Variants in AP2A2 observed in about 807,000 individuals in gnomAD.
The protein encoded by AP2A2 is adaptor related protein complex 2 subunit alpha 2.
In AP2A2, 32 loss-of-function variants were observed where a neutral mutation model predicts 104.2. The observed-to-expected ratio is 0.31, with a 90% confidence interval of 0.23 to 0.41. The LOEUF is 0.41. Ranked by LOEUF, AP2A2 falls within the 10% of genes least tolerant of loss-of-function variation. AP2A2 has a pLI of 1.00. For missense variants in AP2A2, 912 were observed against 1,261.0 expected (o/e 0.72, Z 4.19); for synonymous variants, 539 against 533.3 (o/e 1.01, Z -0.15).
At chr11:952,867 G>A (rs528238813) in intron 1 of AP2A2, among the ~76,000 whole-genome samples, 12 of 152,296 alleles carry the variant, frequency 7.9e-5, no homozygotes, top group African/African-American at 2.9e-4. Context: ...GCACGGTGGG[G>A]TGGTTGAAGT....
Position 968,215 on chromosome 11 carries a change from CAG to C in AP2A2, c.137-1953_137-1952del, listed in dbSNP as rs1854688468. Among the ~76,000 whole-genome samples the C allele has an allele frequency of 6.6e-6, 1 of 152,226 alleles. No homozygotes were observed. Among genetic ancestry groups the C allele is most frequent in the Admixed American group, 6.5e-5 (1 of 15,286 alleles). On this transcript the variant is annotated intron_variant, in intron 2 of 21. Transcript: ENST00000448903. The surrounding 1 kb of genome is among the most constrained non-coding windows in gnomAD (Gnocchi z 4.2). ...GCTGCCCCTCACGGTGCTTATGCAACAGGGGTGGTGTGCCCAGGGGAGTGCTC... is the reference window on the plus strand; with the variant it reads ...GCTGCCCCTCACGGTGCTTATGCAACGGGTGGTGTGCCCAGGGGAGTGCTC...
At chr11:942,173 C>G (rs1046560610) in intron 1 of AP2A2, 1 of 152,180 alleles carries the variant, frequency 6.6e-6, no homozygotes, top group East Asian at 1.9e-4. Context: ...GTGATCTGCC[C>G]GCCTCGGCTT....
At chr11:963,946 C>T (rs866473955) in intron 2 of AP2A2, among the ~76,000 whole-genome samples, 29 of 152,158 alleles carry the variant, frequency 1.9e-4, no homozygotes, top group African/African-American at 6.8e-4. Context: ...TGGGTCCACT[C>T]GTGGGTGGAG....
At chr11:1,002,314 C>G (rs1423206382) in intron 15 of AP2A2, among the ~76,000 whole-genome samples, 1 of 152,236 alleles carries the variant, frequency 6.6e-6, no homozygotes, top group Admixed American at 6.5e-5. Context: ...CCGCCTCGGC[C>G]GGCTCCTCCT....
In AP2A2 at chr11:972,645, C is replaced by T. The variant is rs573500660; in HGVS notation, c.473+390C>T. On this transcript the variant is annotated intron_variant, in intron 4 of 21. Transcript: ENST00000448903. ...CCAGGAAGTCAAGGCTGCAGTGAGCCGTGTTCATGCCTTGGAGACTCCAGC... is the reference window on the plus strand; with the variant it reads ...CCAGGAAGTCAAGGCTGCAGTGAGCTGTGTTCATGCCTTGGAGACTCCAGC... 3.3e-5 allele frequency among the ~76,000 whole-genome samples: 5 copies of T among 152,332 alleles called. No individual in the cohort carries two copies. In the East Asian group the frequency reaches 7.7e-4, roughly 24 times the overall value.
intron 18 of AP2A2, chr11:1,008,871 G>GA (rs1856301602): frequency 1.8e-6 from 1 of 568,946 alleles, no homozygotes; most frequent in African/African-American, 1.9e-5. Flanking sequence ...GAGAAGTGAG[G>GA]CACAGGGACG....
intron 17 of AP2A2, 183 bp from the exon 18 acceptor site, chr11:1,007,829 T>C (rs1856260621): frequency 4.0e-6 from 3 of 743,594 alleles, no homozygotes; most frequent in Non-Finnish European, 6.6e-6. Flanking sequence ...AAGCAGACAG[T>C]GTTTTGAGGA....
chr11:985,278 C>A, intron 7 of AP2A2, 157 bp from the exon 8 acceptor site: 1 of 1,002,330 alleles, frequency 1.0e-6, no homozygotes, highest in Non-Finnish European at 1.4e-6. Flanking sequence ...CCACCGTGCC[C>A]GGCCTGTCTC....
chr11:989,092 C>T (rs1006830247), intron 10 of AP2A2, among the ~76,000 whole-genome samples: 5 of 152,166 alleles, frequency 3.3e-5, no homozygotes, highest in East Asian at 3.9e-4. Context: ...GAGGCCAAGG[C>T]GGGCGGATCA....
In AP2A2 at chr11:988,552, A is replaced by T; in HGVS notation, c.1132A>T (p.Thr378Ser). The T allele has an allele frequency of 6.2e-7, 1 of 1,610,558 alleles. No homozygotes were observed. Among genetic ancestry groups the T allele is most frequent in the Non-Finnish European group, 8.5e-7 (1 of 1,179,758 alleles). ...HIETVINALKTERDVSVRQRA... is the reference protein window; with the variant it reads ...HIETVINALKSERDVSVRQRA... ...TCTTACTCTGTGCCTTGTTCCCCAG[A>T]CTGAGCGGGACGTGAGCGTGCGGCA... The change falls in exon 10 of 22, where the codon ACT becomes TCT. Residue 378 changes from threonine (T) to serine (S), a missense_variant and splice_region_variant. By Grantham distance (58) the Thr-to-Ser change is moderately conservative. Coordinates refer to ENST00000448903, the MANE Select transcript of AP2A2 (RefSeq NM_012305.4).
chr11:981,255 G>C lies in AP2A2; in HGVS notation c.661G>C (p.Glu221Gln), dbSNP rs1352555493. 6.2e-7 allele frequency: 1 copy of C among 1,613,714 alleles called. No homozygotes were observed. Among genetic ancestry groups the C allele is most frequent in the African/African-American group, 1.3e-5 (1 of 75,060 alleles). The part of the protein sequence containing the change: ...ITTLAQKNPE[E>Q]FKTSVSLAVS... Reference sequence around the variant, plus strand: ...CACTTTAGCACAGAAGAACCCAGAAGAGTTTAAAACCTCCGTGTCTCTGGC... The same window carrying C: ...CACTTTAGCACAGAAGAACCCAGAACAGTTTAAAACCTCCGTGTCTCTGGC... The change falls in exon 6 of 22, where the codon GAG (glutamate) becomes CAG (glutamine). Residue 221 changes from glutamate (E) to glutamine (Q), a missense_variant. Glu to Gln is a conservative substitution (Grantham distance 29). Around this residue, in one of 7 missense-constraint regions of AP2A2, gnomAD observed 350 missense variants for 487.0 expected, o/e 0.72. Transcript: ENST00000448903.
chr11:953,545 G>GC (rs58494894), intron 1 of AP2A2, among the ~76,000 whole-genome samples: 3,004 of 105,786 alleles, frequency 0.028, 73 homozygotes, highest in East Asian at 0.069. Context: ...TACCGTAAGA[G>GC]CCCCCCCCCC....
chr11:992,438 G>A lies in AP2A2; in HGVS notation c.1270-65G>A, dbSNP rs774098805. The A allele has an allele frequency of 6.6e-6, 10 of 1,506,988 alleles. No homozygotes were observed. Among genetic ancestry groups the A allele is most frequent in the Middle Eastern group, 3.7e-4 (2 of 5,440 alleles). The allele number at this position is 1,506,988 out of a possible 1,614,324, so 93.4% of individuals were successfully genotyped here. A position where few individuals can be genotyped will look rare whatever the true frequency, so the allele number is the denominator to read the frequency against. ...TGAAACTCTCACTTTGACTTTGGAC[G>A]ACAGTTTGGTCTTGGGATTGCCATG... On this transcript the variant is annotated intron_variant, in intron 10 of 21. Coordinates refer to ENST00000448903, the MANE Select transcript of AP2A2 (RefSeq NM_012305.4). The surrounding 1 kb of genome is among the most constrained non-coding windows in gnomAD (Gnocchi z 6.4).
intron 1 of AP2A2, among the ~76,000 whole-genome samples, chr11:943,736 C>G (rs1462092922): frequency 7.1e-6 from 1 of 140,876 alleles, no homozygotes; most frequent in Non-Finnish European, 1.5e-5. Context: ...ATAGGAGAGT[C>G]CCGACCGGAG....
Position 992,470 on chromosome 11 carries a change from A to T in AP2A2, c.1270-33A>T. On this transcript the variant is annotated intron_variant, in intron 10 of 21. Transcript: ENST00000448903. This position sits in a 1 kb window ranked among gnomAD's most constrained non-coding sequence, Gnocchi z 6.4. ...TGGTCTTGGGATTGCCATGGCCTGC[A>T]GGTGCCGGCCCTCAGCAGCCTGTCC... The T allele has an allele frequency of 6.4e-7, 1 of 1,558,458 alleles. No homozygotes were observed. The highest frequency in any genetic ancestry group is 1.7e-4 in the Middle Eastern group (1 of 5,938).
chr11:954,580 TTG>T (rs1204009147), intron 1 of AP2A2, among the ~76,000 whole-genome samples: 1 of 152,200 alleles, frequency 6.6e-6, no homozygotes, highest in African/African-American at 2.4e-5. Context: ...ATATGTATAT[TTG>T]TGTGTGGCGT....
intron 14 of AP2A2, among the ~76,000 whole-genome samples, chr11:999,405 G>C (rs1291769612): frequency 6.6e-6 from 1 of 152,164 alleles, no homozygotes; most frequent in Non-Finnish European, 1.5e-5. Context: ...CCAGCTACTT[G>C]GGAGGCTGAG....
chr11:935,689 C>G (rs1853435776), intron 1 of AP2A2, among the ~76,000 whole-genome samples: 1 of 137,854 alleles, frequency 7.3e-6, no homozygotes, highest in Non-Finnish European at 1.5e-5. Flanking sequence ...CTTACTGCAA[C>G]CTTCGCCTCC....
rs766320313 is a variant in AP2A2 at position 1,011,495 on chromosome 11, G to A, written c.*870G>A. The A allele has an allele frequency of 8.1e-6, 4 of 493,740 alleles. No individual in the cohort carries two copies. The highest frequency in any genetic ancestry group is 3.9e-5 in the African/African-American group (2 of 51,552). 30.6% of individuals were successfully genotyped at this position (493,740 alleles called of 1,614,324 possible). A position where few individuals can be genotyped will look rare whatever the true frequency, so the allele number is the denominator to read the frequency against. On this transcript the variant is annotated 3_prime_UTR_variant, in exon 22 of 22. Coordinates refer to ENST00000448903, the MANE Select transcript of AP2A2 (RefSeq NM_012305.4). Reference sequence around the variant, plus strand: ...CCTGGAGGGGCTGTGGAGGAGGGACGCCTCTGTGTGGTCAGGAAGTGAAGG... The same window carrying A: ...CCTGGAGGGGCTGTGGAGGAGGGACACCTCTGTGTGGTCAGGAAGTGAAGG...
Sources: gnomAD v4.1 joint callset for allele counts (sites outside exome capture counted in the v4.1 genomes callset) on GRCh38, gnomAD v4.1.1 for gene constraint, gnomAD v4.1.1 regional missense constraint, Gnocchi (gnomAD v3.1) non-coding constraint, MANE v1.5 for transcripts, NCBI Gene and HGNC (gene_info 2026-07-23, HGNC 2026-07-21) for gene names.